BRCC3: variants seen among roughly 807,000 people sequenced by gnomAD.
BRCC3 encodes the protein BRCA1/BRCA2-containing complex subunit 3, also known as lys-63-specific deubiquitinase BRCC36.
In BRCC3, 15 loss-of-function variants were observed where a neutral mutation model predicts 28.0. The ratio of observed to expected loss-of-function variants is 0.54; its 90% CI spans 0.36 to 0.82. The LOEUF is 0.82. Among genes scored for constraint, BRCC3 ranks in the 40% least tolerant of loss-of-function variants. The probability of loss-of-function intolerance (pLI) is 0.01; values close to 1 mark genes in which losing one functional copy is unlikely to be tolerated. For synonymous variants in BRCC3, 66 were observed against 80.3 expected (o/e 0.82, Z 0.95); for missense variants, 109 against 225.9 (o/e 0.48, Z 3.32).
At chrX:155,079,360 C>G (rs1458511630) in intron 5 of BRCC3, among the ~76,000 whole-genome samples, 2 of 111,521 alleles carry the variant, frequency 1.8e-5, no homozygotes, top group Non-Finnish European at 3.8e-5. Context: ...AGGTTAGAAC[C>G]CAGGTCTGAC....
intron 6 of BRCC3, among the ~76,000 whole-genome samples, chrX:155,089,559 A>G (rs191963664): frequency 8.9e-6 from 1 of 111,855 alleles, no homozygotes; most frequent in African/African-American, 3.3e-5. Context: ...GGCAGAGGAA[A>G]TAGCCAGTCC....
chrX:155,077,216 G>T lies in BRCC3; in HGVS notation c.242G>T (p.Arg81Leu). The T allele has an allele frequency of 8.4e-7, 1 of 1,191,364 alleles. No homozygotes were observed. Among genetic ancestry groups the T allele is most frequent in the South Asian group, 1.8e-5 (1 of 56,450 alleles). The change falls in exon 4 of 11, where the codon CGA becomes CTA. Residue 81 changes from arginine (R) to leucine (L), a missense_variant. Coordinates refer to ENST00000330045, the MANE Select transcript of BRCC3 (RefSeq NM_001018055.3). ...IVHIHSVIIL[R>L]RSDKRKDRVE... ...CACATTCATTCTGTCATCATCTTAC[G>T]ACGTTCTGATAAGAGGAAGGACCGA...
At chrX:155,075,275 G>GTTGC (rs1569560405) in intron 3 of BRCC3, among the ~76,000 whole-genome samples, 3 of 111,384 alleles carry the variant, frequency 2.7e-5, no homozygotes, top group African/African-American at 9.7e-5. Flanking sequence ...ATCTGATAAT[G>GTTGC]CTAAGCCCAC....
chrX:155,082,950 T>G (rs1292179421), intron 5 of BRCC3, among the ~76,000 whole-genome samples: 2 of 112,161 alleles, frequency 1.8e-5, no homozygotes, highest in African/African-American at 6.5e-5. Flanking sequence ...GGAGATGGAA[T>G]GTTGCTCCAT....
intron 7 of BRCC3, among the ~76,000 whole-genome samples, chrX:155,113,676 A>G: frequency 9.0e-6 from 1 of 111,712 alleles, no homozygotes; most frequent in Non-Finnish European, 1.9e-5. Context: ...ATGTGCACGA[A>G]AGGAAGCAAT....
intron 7 of BRCC3, among the ~76,000 whole-genome samples, chrX:155,104,759 T>TTTCC (rs2074267726): frequency 8.8e-6 from 1 of 113,012 alleles, no homozygotes; most frequent in African/African-American, 3.2e-5. Flanking sequence ...TCCAATTCTA[T>TTTCC]TTCCATACTT....
chrX:155,091,198 C>T (rs1478576195), intron 7 of BRCC3, among the ~76,000 whole-genome samples: 4 of 111,852 alleles, frequency 3.6e-5, no homozygotes, highest in Non-Finnish European at 5.6e-5. Context: ...CTTGTCTTTG[C>T]TGTGTCATAA....
intron 3 of BRCC3, among the ~76,000 whole-genome samples, chrX:155,075,064 C>G (rs1294797815): frequency 8.9e-6 from 1 of 112,349 alleles, no homozygotes; most frequent in Non-Finnish European, 1.9e-5. Flanking sequence ...ACCTAAGTAT[C>G]TGAAGGATTA....
chrX:155,092,212 C>G (rs2074179582), intron 7 of BRCC3, among the ~76,000 whole-genome samples: 1 of 111,363 alleles, frequency 9.0e-6, no homozygotes, highest in African/African-American at 3.3e-5. Context: ...CTTATACTAC[C>G]CCATCTCCAT....
chrX:155,109,757 C>G (rs1445943986), intron 7 of BRCC3, among the ~76,000 whole-genome samples: 6 of 111,774 alleles, frequency 5.4e-5, no homozygotes, highest in African/African-American at 1.9e-4. Flanking sequence ...CCAATCTTTA[C>G]ACCTTTTTAT....
intron 5 of BRCC3, among the ~76,000 whole-genome samples, chrX:155,085,301 G>C (rs782362299): frequency 8.9e-6 from 1 of 112,793 alleles, no homozygotes; most frequent in East Asian, 2.8e-4. Context: ...TAGGAATGGT[G>C]CTGTGTAATA....
intron 7 of BRCC3, among the ~76,000 whole-genome samples, chrX:155,096,598 A>T (rs185376593): frequency 8.9e-6 from 1 of 112,232 alleles, no homozygotes; most frequent in African/African-American, 3.2e-5. Flanking sequence ...TGTCATCTAC[A>T]GATCCAGTGT....
chrX:155,118,750 G>A (rs1391769335), intron 9 of BRCC3, among the ~76,000 whole-genome samples: 1 of 111,405 alleles, frequency 9.0e-6, no homozygotes, highest in African/African-American at 3.3e-5. Context: ...GTTCTTGTGG[G>A]AACTAACAGA....
chrX:155,072,487 C>T, intron 2 of BRCC3, 144 bp downstream of exon 2: 1 of 459,682 alleles, frequency 2.2e-6, no homozygotes, highest in South Asian at 3.5e-5. Flanking sequence ...ATGATACAAC[C>T]TTGAACTTTG....
chrX:155,095,297 T>C (rs2074202408), intron 7 of BRCC3, among the ~76,000 whole-genome samples: 1 of 111,815 alleles, frequency 8.9e-6, no homozygotes, highest in Admixed American at 9.4e-5. Flanking sequence ...TTAGTTTTTA[T>C]TGTTATTTAT....
At position 155,121,894 on chromosome X, in the gene BRCC3, A is replaced by G. The variant is rs1204454519; in HGVS notation, c.*690A>G. On this transcript the variant is annotated 3_prime_UTR_variant, in exon 11 of 11. Transcript: ENST00000330045. ...GTAATCTCACCACTTTGGGAGGCCAAGATGGGAGGAGTGCTTGAGGTTAGG... is the reference window on the plus strand; with the variant it reads ...GTAATCTCACCACTTTGGGAGGCCAGGATGGGAGGAGTGCTTGAGGTTAGG... 1.8e-5 allele frequency: 2 copies of G among 112,205 alleles called. No homozygotes were observed. Among genetic ancestry groups the G allele is most frequent in the Admixed American group, 1.9e-4 (2 of 10,589 alleles). 9.2% of individuals were successfully genotyped at this position (112,205 alleles called of 1,213,427 possible).
intron 7 of BRCC3, among the ~76,000 whole-genome samples, chrX:155,097,229 G>C (rs1388954474): frequency 2.7e-5 from 3 of 111,663 alleles, no homozygotes; most frequent in Non-Finnish European, 5.6e-5. Flanking sequence ...CAGAAGGGGA[G>C]AAAAATATTT....
intron 7 of BRCC3, chrX:155,099,188 T>G (rs868966453): frequency 0.026 from 16,735 of 652,061 alleles, 117 homozygotes; most frequent in African/African-American, 0.069. Flanking sequence ...TAGAAATGTT[T>G]TTTTTTTTTT....
chrX:155,089,506 G>A (rs1466626325), intron 6 of BRCC3, among the ~76,000 whole-genome samples, 155 bp downstream of exon 6: 7 of 111,104 alleles, frequency 6.3e-5, no homozygotes, highest in African/African-American at 2.3e-4. Context: ...TGAAGAAGGT[G>A]AGGGAACAAG....
Sources: gnomAD v4.1 joint callset for allele counts (sites outside exome capture counted in the v4.1 genomes callset) on GRCh38, gnomAD v4.1.1 for gene constraint, MANE v1.5 for transcripts, NCBI Gene and HGNC (gene_info 2026-07-23, HGNC 2026-07-21) for gene names.